Variants in ZMIZ1 observed in about 807,000 individuals in gnomAD.
ZMIZ1 encodes the protein zinc finger MIZ domain-containing protein 1.
In ZMIZ1, 17 loss-of-function variants were observed where a neutral mutation model predicts 113.9. That is an observed-to-expected ratio of 0.15 (90% CI 0.10 to 0.22). The LOEUF is 0.22. Ranked by LOEUF, ZMIZ1 falls within the 10% of genes least tolerant of loss-of-function variation. The probability of loss-of-function intolerance (pLI) is 1.00; values close to 1 mark genes in which losing one functional copy is unlikely to be tolerated. For synonymous variants in ZMIZ1, 607 were observed against 603.1 expected (o/e 1.01, Z -0.09); for missense variants, 1,059 against 1,477.8 (o/e 0.72, Z 4.65).
intron 20 of ZMIZ1, 135 bp downstream of exon 20, chr10:79,305,366 G>A: frequency 2.5e-6 from 3 of 1,219,018 alleles, no homozygotes; most frequent in East Asian, 2.4e-5. Flanking sequence ...AGGTTATGGG[G>A]GCTCCAGGTG....
chr10:79,080,631 T>G (rs1842629698), intron 1 of ZMIZ1, among the ~76,000 whole-genome samples: 1 of 152,020 alleles, frequency 6.6e-6, no homozygotes, highest in Admixed American at 6.6e-5. Context: ...TCTTGTTTGG[T>G]GTTTGGCGAT....
At chr10:79,182,304 G>A (rs1343269417) in intron 4 of ZMIZ1, among the ~76,000 whole-genome samples, 2 of 152,202 alleles carry the variant, frequency 1.3e-5, no homozygotes, top group African/African-American at 2.4e-5. Flanking sequence ...TGGGCTGCCT[G>A]GCTGCCTCCA....
chr10:79,138,655 C>A lies in ZMIZ1; in HGVS notation c.-226-1027C>A, dbSNP rs561926715. On this transcript the variant is annotated intron_variant, in intron 2 of 24. Coordinates refer to ENST00000334512, the MANE Select transcript of ZMIZ1 (RefSeq NM_020338.4). Reference sequence around the variant, plus strand: ...AGTTCTTGGGCCCCATCAGCCAGCCCGCCCCTCCTCCATGCCTCTCCCTCT... The same window carrying A: ...AGTTCTTGGGCCCCATCAGCCAGCCAGCCCCTCCTCCATGCCTCTCCCTCT... 4.5e-3 allele frequency among the ~76,000 whole-genome samples: 681 copies of A among 152,338 alleles called. 2 individuals are homozygous for A. Among genetic ancestry groups the A allele is most frequent in the African/African-American group, 0.015 (639 of 41,574 alleles).
chr10:79,134,226 C>T (rs181895518), intron 2 of ZMIZ1, among the ~76,000 whole-genome samples: 2 of 152,172 alleles, frequency 1.3e-5, no homozygotes, highest in African/African-American at 4.8e-5. Context: ...GAAGGTGCTG[C>T]AGTCTGATTG....
At chr10:79,308,818 C>T (rs1854911890) in intron 23 of ZMIZ1, among the ~76,000 whole-genome samples, 1 of 152,122 alleles carries the variant, frequency 6.6e-6, no homozygotes, top group African/African-American at 2.4e-5. Context: ...CATCCTGCGC[C>T]CTCACAGTTC....
chr10:79,183,767 G>T (rs1847232902), intron 4 of ZMIZ1, among the ~76,000 whole-genome samples: 1 of 152,132 alleles, frequency 6.6e-6, no homozygotes, highest in African/African-American at 2.4e-5. Context: ...ATCAATATTT[G>T]CAGAGTGCTT....
intron 23 of ZMIZ1, among the ~76,000 whole-genome samples, chr10:79,308,167 G>A (rs1475783656): frequency 6.6e-6 from 1 of 152,154 alleles, no homozygotes; most frequent in Admixed American, 6.5e-5. Flanking sequence ...AGTGGCAGTG[G>A]CAGGAGGCCC....
intron 5 of ZMIZ1, 58 bp from the exon 6 acceptor site, chr10:79,208,278 G>T: frequency 6.6e-7 from 1 of 1,506,970 alleles, no homozygotes; most frequent in Non-Finnish European, 9.2e-7. Flanking sequence ...ACCCCCACAC[G>T]CTGCCTGTGC....
chr10:79,153,051 C>T (rs1213279135), intron 3 of ZMIZ1, among the ~76,000 whole-genome samples: 1 of 152,180 alleles, frequency 6.6e-6, no homozygotes, highest in Non-Finnish European at 1.5e-5. Context: ...CTCACCGTGT[C>T]GCTGGACTGA....
At chr10:79,136,599 A>G (rs1845020348) in intron 2 of ZMIZ1, among the ~76,000 whole-genome samples, 2 of 152,218 alleles carry the variant, frequency 1.3e-5, no homozygotes, top group South Asian at 2.1e-4. Context: ...AGGGCTGGCA[A>G]TGGCATCCCT....
chr10:79,279,622 G>A (rs1321139762), intron 8 of ZMIZ1, among the ~76,000 whole-genome samples: 2 of 152,242 alleles, frequency 1.3e-5, no homozygotes, highest in Non-Finnish European at 2.9e-5. Context: ...CAGCTGGGAG[G>A]TGGAGATTGT....
At position 79,188,936 on chromosome 10, in the gene ZMIZ1, G is replaced by A. The variant is rs528677518; in HGVS notation, c.-49-12648G>A. Among the ~76,000 whole-genome samples, 36 of 152,280 alleles carry A rather than the reference G, an allele frequency of 2.4e-4. No individual in the cohort carries two copies. In the South Asian group the frequency reaches 7.0e-3, roughly 30 times the overall value. ...CAACTCATCTAACCGGGAATGCTTC[G>A]CTCAGGAGCACCTCCTGGGACCTGG... On this transcript the variant is annotated intron_variant, in intron 4 of 24. Transcript: ENST00000334512.
At chr10:79,237,486 A>G (rs990501767) in intron 7 of ZMIZ1, among the ~76,000 whole-genome samples, 4 of 152,208 alleles carry the variant, frequency 2.6e-5, no homozygotes, top group Admixed American at 6.5e-5. Context: ...AGGTGTCAGT[A>G]GGGCCAAGGT....
rs144263815 is a variant in ZMIZ1, at chr10:79,118,387, T to C, written c.-336-528T>C. ...GACTTCACTCCCAATGTCCAGGAGCTGGGCCTGGAGCGGGAGAGTGTCCTG... is the reference window on the plus strand; with the variant it reads ...GACTTCACTCCCAATGTCCAGGAGCCGGGCCTGGAGCGGGAGAGTGTCCTG... On this transcript the variant is annotated intron_variant, in intron 1 of 24. Transcript: ENST00000334512. This position sits in a 1 kb window ranked among gnomAD's most constrained non-coding sequence, Gnocchi z 4.1. Among the ~76,000 whole-genome samples the C allele has an allele frequency of 6.6e-5, 10 of 152,288 alleles. No homozygotes were observed. The highest frequency in any genetic ancestry group is 2.4e-4 in the African/African-American group (10 of 41,560).
intron 7 of ZMIZ1, among the ~76,000 whole-genome samples, chr10:79,266,878 G>C (rs1851637832): frequency 6.6e-6 from 1 of 152,208 alleles, no homozygotes. Context: ...TGTTCTCAGG[G>C]CTCATGAGTC....
At chr10:79,175,606 G>A (rs780147) in intron 4 of ZMIZ1, among the ~76,000 whole-genome samples, 137 of 94,472 alleles carry the variant, frequency 1.5e-3, no homozygotes, top group Middle Eastern at 0.012. Flanking sequence ...GTGTGTGTGT[G>A]TGTGTGTGTG....
chr10:79,201,001 T>C (rs1234194606), intron 4 of ZMIZ1, among the ~76,000 whole-genome samples: 1 of 152,130 alleles, frequency 6.6e-6, no homozygotes, highest in Non-Finnish European at 1.5e-5. Context: ...AAAACACACA[T>C]GCGCATACAG....
At chr10:79,097,220 T>C (rs2132248249) in intron 1 of ZMIZ1, among the ~76,000 whole-genome samples, 1 of 152,352 alleles carries the variant, frequency 6.6e-6, no homozygotes, top group African/African-American at 2.4e-5. Flanking sequence ...AAGAGGCACA[T>C]GACACATGAC....
intron 1 of ZMIZ1, among the ~76,000 whole-genome samples, chr10:79,103,101 C>A (rs1369920652): frequency 6.6e-6 from 1 of 152,020 alleles, no homozygotes; most frequent in Non-Finnish European, 1.5e-5. Context: ...TAGATGAGGG[C>A]AGTCTGGGAG....
Sources: allele counts gnomAD v4.1 joint callset (sites outside exome capture counted in the v4.1 genomes callset), GRCh38; gene constraint gnomAD v4.1.1; non-coding constraint Gnocchi (gnomAD v3.1); transcripts MANE v1.5; gene names NCBI Gene and HGNC (gene_info 2026-07-23, HGNC 2026-07-21).